Variants in MYOM3 observed in about 807,000 individuals in gnomAD.
The protein encoded by MYOM3 is myomesin 3.
In MYOM3, 155 loss-of-function variants were observed where a neutral mutation model predicts 191.7. The ratio of observed to expected loss-of-function variants is 0.81; its 90% CI spans 0.71 to 0.92. MYOM3 has a LOEUF of 0.92. Ranked by LOEUF, MYOM3 falls within the 40% of genes least tolerant of loss-of-function variation. MYOM3 has a pLI of 0.00. For missense variants in MYOM3, 1,889 were observed against 1,890.6 expected (o/e 1.00, Z 0.02); for synonymous variants, 757 against 762.9 (o/e 0.99, Z 0.13).
At chr1:24,059,071 G>A in intron 35 of MYOM3, 92 bp from the exon 36 acceptor site, 1 of 820,800 alleles carries the variant, frequency 1.2e-6, no homozygotes, top group East Asian at 2.6e-5. Context: ...TTTTAAGCAA[G>A]GCTTCTTTTT....
At chr1:24,078,609 A>G (rs962983169) in intron 20 of MYOM3, among the ~76,000 whole-genome samples, 1 of 152,224 alleles carries the variant, frequency 6.6e-6, no homozygotes, top group African/African-American at 2.4e-5. Flanking sequence ...CCTGCTGGGG[A>G]AAAGCACCCA....
rs1643318980 is a variant in MYOM3 at position 24,057,595 on chromosome 1, GT to G, written c.4082del (p.Asp1361AlafsTer9). ...TLCLTCIVSGDPTPEISWLKN... is the reference protein window; with the variant it reads ...TLCLTCIVSGXPTPEISWLKN... ...TCAGCCAAGAGATTTCAGGGGTGGGGTCTCCTGAGACGATGCAAGTCAAGCA... is the reference window on the plus strand; with the variant it reads ...TCAGCCAAGAGATTTCAGGGGTGGGGCTCCTGAGACGATGCAAGTCAAGCA... On this transcript the variant is annotated frameshift_variant, in exon 37 of 37. Coordinates refer to ENST00000374434, the MANE Select transcript of MYOM3 (RefSeq NM_152372.4). LOFTEE classifies it high-confidence loss of function. 6.2e-7 allele frequency: 1 copy of G among 1,613,892 alleles called. No homozygotes were observed. Among genetic ancestry groups the G allele is most frequent in the African/African-American group, 1.3e-5 (1 of 74,898 alleles).
chr1:24,072,233 C>T (rs1643541144), intron 23 of MYOM3, among the ~76,000 whole-genome samples: 1 of 152,160 alleles, frequency 6.6e-6, no homozygotes, highest in Non-Finnish European at 1.5e-5. Context: ...TGCTGGCCAC[C>T]CTGAGATTGC....
rs775375147 is a variant in MYOM3, at chr1:24,071,269, C to T, written c.3014-16G>A. 1.9e-6 allele frequency: 3 copies of T among 1,604,574 alleles called. No homozygotes were observed. Among genetic ancestry groups the T allele is most frequent in the African/African-American group, 1.3e-5 (1 of 74,746 alleles). On this transcript the variant is annotated splice_polypyrimidine_tract_variant and intron_variant, in intron 24 of 36. Coordinates refer to ENST00000374434, the MANE Select transcript of MYOM3 (RefSeq NM_152372.4). ...AGTTTGATCACTGGGAGGCGCAGGACGGGAAGGGGGTGGGTTGGACCCCTT... is the reference window on the plus strand; with the variant it reads ...AGTTTGATCACTGGGAGGCGCAGGATGGGAAGGGGGTGGGTTGGACCCCTT...
rs527972499 is a variant in MYOM3 at position 24,097,929 on chromosome 1, C to A, written c.739G>T (p.Val247Phe). Reference sequence around the variant, plus strand: ...TGGGGTTGGGAGGACTTACTGCGGACGAGGACTTTGGCGAAGGAGGAGGCC... The same window carrying A: ...TGGGGTTGGGAGGACTTACTGCGGAAGAGGACTTTGGCGAAGGAGGAGGCC... Reference protein sequence around the residue: ...GQASSFAKVLVRTYLGKDAGF... With the variant: ...GQASSFAKVLFRTYLGKDAGF... The change falls in exon 7 of 37, where the codon GTC (valine) becomes TTC (phenylalanine). Residue 247 changes from valine to phenylalanine, a missense_variant. By Grantham distance (50) the Val-to-Phe change is conservative. Transcript: ENST00000374434. The A allele has an allele frequency of 6.2e-7, 1 of 1,612,096 alleles. No homozygotes were observed. The highest frequency in any genetic ancestry group is 1.3e-5 in the African/African-American group (1 of 74,878).
Position 24,082,615 on chromosome 1 carries a change from G to A in MYOM3, c.2070C>T (p.Pro690=), listed in dbSNP as rs1350647625. The change falls in exon 17 of 37, where the codon CCC becomes CCT. Residue 690 remains proline, a synonymous_variant. Transcript: ENST00000374434. ...GVGESSAATE[P]IRVKQALATP... ...CACCCAGAGCCTGCTTGACCCTGATGGGCTCGGTGGCGGCTGAGCTCTCGC... is the reference window on the plus strand; with the variant it reads ...CACCCAGAGCCTGCTTGACCCTGATAGGCTCGGTGGCGGCTGAGCTCTCGC... The A allele has an allele frequency of 6.2e-7, 1 of 1,610,168 alleles. No individual in the cohort carries two copies. The highest frequency in any genetic ancestry group is 1.3e-5 in the African/African-American group (1 of 74,714).
At chr1:24,106,547 G>A (rs1430983632) in intron 4 of MYOM3, among the ~76,000 whole-genome samples, 1 of 152,126 alleles carries the variant, frequency 6.6e-6, no homozygotes, top group East Asian at 1.9e-4. Context: ...CCTCAGCACT[G>A]AGAATTTTTA....
chr1:24,059,173 G>A (rs1643338747), intron 35 of MYOM3, among the ~76,000 whole-genome samples, 194 bp from the exon 36 acceptor site: 1 of 151,370 alleles, frequency 6.6e-6, no homozygotes, highest in African/African-American at 2.4e-5. Context: ...TCGCTCTGTT[G>A]CCCAGGGTGG....
rs554755079 is a variant in MYOM3, at chr1:24,094,124, C to T, written c.928+729G>A. On this transcript the variant is annotated intron_variant, in intron 9 of 36. Transcript: ENST00000374434. ...GCACTTGTGGTGCCCTCCTGCCTCC[C>T]GATCTTGGGGCTCTGTTCCCATTGC... Among the ~76,000 whole-genome samples the T allele has an allele frequency of 7.9e-5, 12 of 152,078 alleles. No homozygotes were observed. The East Asian group carries it at 1.6e-3, about 20-fold the overall frequency.
At chr1:24,106,950 A>G in intron 4 of MYOM3, 123 bp downstream of exon 4, 1 of 922,714 alleles carries the variant, frequency 1.1e-6, no homozygotes, top group Non-Finnish European at 1.6e-6. Context: ...TAGGGGCATC[A>G]GATGCAGACC....
chr1:24,072,087 G>A, intron 23 of MYOM3, 74 bp from the exon 24 acceptor site: 1 of 1,447,372 alleles, frequency 6.9e-7, no homozygotes, highest in Non-Finnish European at 9.7e-7. Context: ...GCCCACAGGA[G>A]CCGTCCTAGG....
intron 13 of MYOM3, 67 bp downstream of exon 13, chr1:24,089,998 G>T: frequency 1.3e-6 from 2 of 1,517,620 alleles, no homozygotes; most frequent in Non-Finnish European, 1.8e-6. Flanking sequence ...CTGCCTCTTT[G>T]CCAGCTCATG....
At chr1:24,060,914 G>C (rs939044355) in intron 35 of MYOM3, 146 bp downstream of exon 35, 30 of 861,624 alleles carry the variant, frequency 3.5e-5, no homozygotes, top group Non-Finnish European at 5.1e-5. Context: ...TCTTGCCCAG[G>C]TCTTCCCTGC....
intron 25 of MYOM3, 99 bp from the exon 26 acceptor site, chr1:24,068,466 G>A (rs1643482106): frequency 1.4e-6 from 2 of 1,436,948 alleles, no homozygotes; most frequent in African/African-American, 2.8e-5. Context: ...TAAGCACAGA[G>A]CTGTCAGCCT....
Position 24,063,077 on chromosome 1 carries a change from G to T in MYOM3, c.3770+49C>A. ...GGAGGGAGGCCCCCATGGGTCAGGT[G>T]CTGAATCCTTTCCAGCCTGGCTGGG... On this transcript the variant is annotated intron_variant, in intron 32 of 36. Transcript: ENST00000374434. The surrounding 1 kb of genome is among the most constrained non-coding windows in gnomAD (Gnocchi z 4.5). The T allele has an allele frequency of 2.2e-6, 3 of 1,334,820 alleles. No individual in the cohort carries two copies. Among genetic ancestry groups the T allele is most frequent in the Non-Finnish European group, 3.2e-6 (3 of 928,016 alleles). The allele number at this position is 1,334,820 out of a possible 1,614,324, so 82.7% of individuals were successfully genotyped here. A position where few individuals can be genotyped will look rare whatever the true frequency, so the allele number is the denominator to read the frequency against.
chr1:24,077,868 G>T, intron 20 of MYOM3, among the ~76,000 whole-genome samples: 1 of 152,192 alleles, frequency 6.6e-6, no homozygotes, highest in East Asian at 1.9e-4. Flanking sequence ...CACTCATATA[G>T]GGGAAGACCT....
Position 24,067,098 on chromosome 1 carries a change from C to A in MYOM3, c.3356-10G>T, listed in dbSNP as rs1428686260. 1.3e-6 allele frequency: 2 copies of A among 1,567,540 alleles called. No homozygotes were observed. Among genetic ancestry groups the A allele is most frequent in the Admixed American group, 3.7e-5 (2 of 54,128 alleles). On this transcript the variant is annotated splice_polypyrimidine_tract_variant and intron_variant, in intron 27 of 36. Coordinates refer to ENST00000374434, the MANE Select transcript of MYOM3 (RefSeq NM_152372.4). The stretch of plus-strand genomic sequence containing the variant: ...CGCTCAAAATAGGGACCTGTGCGTG[C>A]AAAACAAATGTGCCCACTGTCAGAG...
In MYOM3 at chr1:24,081,838, A is replaced by T. The variant is rs1643673174; in HGVS notation, c.2280+163T>A. On this transcript the variant is annotated intron_variant, in intron 18 of 36. Coordinates refer to ENST00000374434, the MANE Select transcript of MYOM3 (RefSeq NM_152372.4). ...CAGCTCAAGCTTGGTGGCTCTAAACAGTTCTGTTCAAGGTGGGTCTGCACT... is the reference window on the plus strand; with the variant it reads ...CAGCTCAAGCTTGGTGGCTCTAAACTGTTCTGTTCAAGGTGGGTCTGCACT... The T allele has an allele frequency of 4.3e-6, 3 of 703,304 alleles. No homozygotes were observed. In the South Asian group the frequency reaches 6.1e-5, roughly 14 times the overall value. The allele number at this position is 703,304 out of a possible 1,614,324, so 43.6% of individuals were successfully genotyped here.
chr1:24,066,821 C>A, intron 28 of MYOM3, 200 bp downstream of exon 28: 1 of 551,696 alleles, frequency 1.8e-6, no homozygotes, highest in Admixed American at 3.2e-5. Flanking sequence ...CACACGAATC[C>A]TACCCCATGG....
Sources: allele counts gnomAD v4.1 joint callset (sites outside exome capture counted in the v4.1 genomes callset), GRCh38; gene constraint gnomAD v4.1.1; non-coding constraint Gnocchi (gnomAD v3.1); transcripts MANE v1.5; gene names NCBI Gene and HGNC (gene_info 2026-07-23, HGNC 2026-07-21).